The following HIVEP2 variants were observed in gnomAD, a reference collection of about 807,000 sequenced individuals.
HIVEP2 encodes HIVEP zinc finger 2.
In HIVEP2, 14 loss-of-function variants were observed where a neutral mutation model predicts 180.7. That is an observed-to-expected ratio of 0.08 (90% CI 0.05 to 0.12). The LOEUF (loss-of-function observed/expected upper bound fraction) is 0.12, where lower values mean the gene tolerates loss of function less well. HIVEP2 is among the 10% of genes least tolerant of loss of function. The pLI, the probability that HIVEP2 is intolerant of heterozygous loss-of-function variation, is 1.00. For synonymous variants in HIVEP2, 1,184 were observed against 1,136.4 expected, an observed-to-expected ratio of 1.04 and a Z score of -0.84; for missense variants, 2,579 against 3,008.5, an observed-to-expected ratio of 0.86 and a Z score of 3.34.
At chr6:142,883,410 A>G (rs1174264433) in intron 1 of HIVEP2, among the ~76,000 whole-genome samples, 1 of 152,072 alleles carries the variant, frequency 6.6e-6, no homozygotes, top group Non-Finnish European at 1.5e-5. Flanking sequence ...CTTATATGGA[A>G]TAAGCACAGT....
intron 8 of HIVEP2, among the ~76,000 whole-genome samples, chr6:142,760,907 T>C (rs1479841148): frequency 6.6e-6 from 1 of 152,216 alleles, no homozygotes; most frequent in Non-Finnish European, 1.5e-5. Flanking sequence ...TAGGACTTTA[T>C]ATCTCAGACA....
intron 2 of HIVEP2, among the ~76,000 whole-genome samples, chr6:142,815,589 T>C (rs1357249704): frequency 2.6e-5 from 4 of 152,186 alleles, no homozygotes; most frequent in African/African-American, 9.7e-5. Flanking sequence ...TTAATCTTTA[T>C]GAATTTCAAG....
intron 1 of HIVEP2, among the ~76,000 whole-genome samples, chr6:142,840,878 A>C (rs537720702): frequency 2.8e-4 from 43 of 152,236 alleles, no homozygotes; most frequent in Middle Eastern, 6.8e-3. Context: ...TGTGCATTCT[A>C]CTTTCACCAA....
At chr6:142,827,781 G>GAAA (rs200217082) in intron 2 of HIVEP2, among the ~76,000 whole-genome samples, 2,149 of 152,226 alleles carry the variant, frequency 0.014, 23 homozygotes, top group Middle Eastern at 0.037. Flanking sequence ...TAACATTTTT[G>GAAA]CAGTATTTTA....
At chr6:142,776,811 G>A (rs75602655) in intron 3 of HIVEP2, among the ~76,000 whole-genome samples, 400 of 152,270 alleles carry the variant, frequency 2.6e-3, no homozygotes, top group Non-Finnish European at 3.9e-3. Context: ...AGGATTATAG[G>A]TGTGAGCCAC....
rs1408525264 is a variant in HIVEP2, at chr6:142,943,502, T to C, written c.-641+1597A>G. ...ATTTCAAGTAATGTCTGGGCTTGATTATGCACTACAAAAGAAACAACTGTA... is the reference window on the plus strand; with the variant it reads ...ATTTCAAGTAATGTCTGGGCTTGATCATGCACTACAAAAGAAACAACTGTA... On this transcript the variant is annotated intron_variant, in intron 1 of 9. Transcript: ENST00000367603. This position sits in a 1 kb window ranked among gnomAD's most constrained non-coding sequence, Gnocchi z 4.5. 6.6e-6 allele frequency among the ~76,000 whole-genome samples: 1 copy of C among 152,208 alleles called. No individual in the cohort carries two copies. Among genetic ancestry groups the C allele is most frequent in the Non-Finnish European group, 1.5e-5 (1 of 68,030 alleles).
chr6:142,757,853 A>C (rs1428684185), intron 9 of HIVEP2, among the ~76,000 whole-genome samples: 1 of 152,192 alleles, frequency 6.6e-6, no homozygotes, highest in Non-Finnish European at 1.5e-5. Flanking sequence ...GTGGGTTGCT[A>C]TAAATTTTTA....
intron 2 of HIVEP2, among the ~76,000 whole-genome samples, chr6:142,836,035 A>T (rs1286115879): frequency 6.6e-6 from 1 of 152,222 alleles, no homozygotes; most frequent in East Asian, 1.9e-4. Flanking sequence ...GTTTTAAAAT[A>T]GCTCCAGTTT....
At chr6:142,911,705 C>G (rs202214158) in intron 1 of HIVEP2, among the ~76,000 whole-genome samples, 2 of 151,352 alleles carry the variant, frequency 1.3e-5, no homozygotes, top group African/African-American at 4.8e-5. Context: ...AATGAGACAA[C>G]AAGCCATTCA....
chr6:142,770,119 G>A lies in HIVEP2; in HGVS notation c.4620C>T (p.Ser1540=). Residue 1540 remains serine, a synonymous_variant, in exon 5 of 10, where the codon AGC becomes AGT. Coordinates refer to ENST00000367603, the MANE Select transcript of HIVEP2 (RefSeq NM_006734.4). The surrounding 1 kb of genome is among the most constrained non-coding windows in gnomAD (Gnocchi z 4.7). ...SPSSREPFLP[S]KEMLSGSRAP... Reference sequence around the variant, plus strand: ...CCCGGGAACCGGAAAGCATCTCCTTGCTGGGCAGGAATGGCTCCCTGGAAG... The same window carrying A: ...CCCGGGAACCGGAAAGCATCTCCTTACTGGGCAGGAATGGCTCCCTGGAAG... 1 of 1,614,246 alleles carries A rather than the reference G, an allele frequency of 6.2e-7. No homozygotes were observed. The highest frequency in any genetic ancestry group is 8.5e-7 in the Non-Finnish European group (1 of 1,180,036).
At chr6:142,820,954 C>T (rs1240360144) in intron 2 of HIVEP2, among the ~76,000 whole-genome samples, 3 of 151,940 alleles carry the variant, frequency 2.0e-5, no homozygotes, top group African/African-American at 7.3e-5. Flanking sequence ...GAAACACTAA[C>T]AAACATTTTT....
chr6:142,830,547 T>C lies in HIVEP2; in HGVS notation c.-528+6388A>G, dbSNP rs11967915. On this transcript the variant is annotated intron_variant, in intron 2 of 9. Coordinates refer to ENST00000367603, the MANE Select transcript of HIVEP2 (RefSeq NM_006734.4). ...GAAAACCTAAAATCATCCTAAACTC[T>C]TGGGAAATATTTAAGGAGCTGAAAA... 4.4e-3 allele frequency among the ~76,000 whole-genome samples: 663 copies of C among 152,140 alleles called. 2 individuals are homozygous for C. The highest frequency in any genetic ancestry group is 0.015 in the African/African-American group (631 of 41,486).
At chr6:142,842,127 C>A (rs558070555) in intron 1 of HIVEP2, among the ~76,000 whole-genome samples, 1 of 152,272 alleles carries the variant, frequency 6.6e-6, no homozygotes, top group East Asian at 1.9e-4. Context: ...TCCTTTAAAA[C>A]ACAGCTGAAT....
chr6:142,823,353 G>A (rs368395324), intron 2 of HIVEP2, among the ~76,000 whole-genome samples: 3 of 152,134 alleles, frequency 2.0e-5, no homozygotes, highest in East Asian at 1.9e-4. Context: ...CCGCGACAAC[G>A]GTTTAAGCCC....
chr6:142,800,351 A>G (rs1776374346), intron 2 of HIVEP2, among the ~76,000 whole-genome samples: 1 of 152,152 alleles, frequency 6.6e-6, no homozygotes, highest in Non-Finnish European at 1.5e-5. Context: ...ATTCAAGTTT[A>G]ATATGGTGGG....
chr6:142,812,821 G>GAT (rs1444356201), intron 2 of HIVEP2, among the ~76,000 whole-genome samples: 4 of 152,108 alleles, frequency 2.6e-5, no homozygotes, highest in Non-Finnish European at 5.9e-5. Context: ...TTCAAAATTT[G>GAT]ATATATATAA....
chr6:142,882,626 AG>A (rs367638416), intron 1 of HIVEP2, among the ~76,000 whole-genome samples: 3 of 126,406 alleles, frequency 2.4e-5, no homozygotes, highest in South Asian at 3.0e-4. Flanking sequence ...AAAAACAGAA[AG>A]GGGGGGAGGG....
At chr6:142,763,718 A>G (rs977706710) in intron 7 of HIVEP2, among the ~76,000 whole-genome samples, 24 of 152,220 alleles carry the variant, frequency 1.6e-4, no homozygotes, top group African/African-American at 5.8e-4. Context: ...AAAGTTCTGT[A>G]TAAAAGGCTT....
rs867174070 is a variant in HIVEP2 at position 142,769,693 on chromosome 6, T to C, written c.5046A>G (p.Pro1682=). 1.9e-6 allele frequency: 3 copies of C among 1,614,216 alleles called. No homozygotes were observed. Among genetic ancestry groups the C allele is most frequent in the Non-Finnish European group, 2.5e-6 (3 of 1,180,046 alleles). Residue 1682 remains proline (P), a synonymous_variant, in exon 5 of 10, where the codon CCA becomes CCG. Transcript: ENST00000367603. ...GCGTGGTCTTGGTGTTCAATCCTGA[T>C]GGGTTTGGATTACAGGAACTAATGC... ...SWCISSCNPN[P]SGLNTKTTLA...
Sources: gnomAD v4.1 joint callset for allele counts (sites outside exome capture counted in the v4.1 genomes callset) on GRCh38, gnomAD v4.1.1 for gene constraint, Gnocchi (gnomAD v3.1) non-coding constraint, MANE v1.5 for transcripts, NCBI Gene and HGNC (gene_info 2026-07-23, HGNC 2026-07-21) for gene names.